ARHGAP10: variants seen among roughly 807,000 people sequenced by gnomAD.
ARHGAP10 encodes the protein rho GTPase-activating protein 10.
Under a neutral mutation model 108.6 loss-of-function variants are expected in ARHGAP10, and 87 were observed. That is an observed-to-expected ratio of 0.80 (90% confidence interval 0.67 to 0.96). ARHGAP10 has a LOEUF of 0.96. Ranked by LOEUF, ARHGAP10 falls within the 40% of genes least tolerant of loss-of-function variation. ARHGAP10 has a pLI of 0.00. For missense variants in ARHGAP10, 939 were observed against 954.5 expected, an observed-to-expected ratio of 0.98 and a Z score of 0.21; for synonymous variants, 347 against 341.1, an observed-to-expected ratio of 1.02 and a Z score of -0.19.
At chr4:147,817,564 C>T (rs905324274) in intron 1 of ARHGAP10, among the ~76,000 whole-genome samples, 4 of 152,208 alleles carry the variant, frequency 2.6e-5, no homozygotes, top group African/African-American at 9.7e-5. Flanking sequence ...TCCTACCTCT[C>T]AAACTCAGCA....
intron 1 of ARHGAP10, among the ~76,000 whole-genome samples, chr4:147,733,711 A>T (rs1728316249): frequency 6.6e-6 from 1 of 152,194 alleles, no homozygotes; most frequent in African/African-American, 2.4e-5. Context: ...GTAAATATGC[A>T]TTTAATGAAT....
chr4:147,965,576 T>G (rs544336644), intron 17 of ARHGAP10, among the ~76,000 whole-genome samples: 1 of 152,358 alleles, frequency 6.6e-6, no homozygotes, highest in African/African-American at 2.4e-5. Flanking sequence ...AAATTAGCCC[T>G]TTCTTTAAGT....
At chr4:147,858,734 C>T (rs1244924351) in intron 5 of ARHGAP10, among the ~76,000 whole-genome samples, 1 of 152,214 alleles carries the variant, frequency 6.6e-6, no homozygotes, top group South Asian at 2.1e-4. Context: ...GCAGCTTTTA[C>T]AGGCCCCCTT....
At chr4:147,870,082 T>C (rs973770849) in intron 7 of ARHGAP10, among the ~76,000 whole-genome samples, 7 of 151,670 alleles carry the variant, frequency 4.6e-5, no homozygotes, top group Non-Finnish European at 7.4e-5. Context: ...AGTCTCGCCC[T>C]GTCACCCAGG....
intron 19 of ARHGAP10, among the ~76,000 whole-genome samples, chr4:148,028,904 A>ATAGG (rs1728000888): frequency 6.6e-6 from 1 of 152,234 alleles, no homozygotes; most frequent in Non-Finnish European, 1.5e-5. Context: ...GATTAGGCTC[A>ATAGG]TAGGTAAATC....
intron 10 of ARHGAP10, among the ~76,000 whole-genome samples, chr4:147,888,700 A>G (rs1236845001): frequency 6.6e-6 from 1 of 152,182 alleles, no homozygotes; most frequent in Non-Finnish European, 1.5e-5. Context: ...AAACAGAGAA[A>G]CATCTATTCT....
chr4:147,765,339 G>T (rs73853980), intron 1 of ARHGAP10, among the ~76,000 whole-genome samples: 3,358 of 26,820 alleles, frequency 0.13, 284 homozygotes, highest in African/African-American at 0.21. Flanking sequence ...TGTGTGTGTG[G>T]GGGGGGGGGT....
In ARHGAP10 at chr4:147,979,796, A is replaced by G. The variant is rs148878945; in HGVS notation, c.1716+12957A>G. On this transcript the variant is annotated intron_variant, in intron 18 of 22. Coordinates refer to ENST00000336498, the MANE Select transcript of ARHGAP10 (RefSeq NM_024605.4). ...TGGGTTTTTGTGTAGGTGTGTGGCT[A>G]TTGTAAATGGGATTGCATTCTTGAT... 1.4e-4 allele frequency among the ~76,000 whole-genome samples: 22 copies of G among 152,296 alleles called. No homozygotes were observed. The East Asian group carries it at 2.7e-3, about 19-fold the overall frequency.
intron 18 of ARHGAP10, among the ~76,000 whole-genome samples, chr4:148,013,278 C>T (rs971286481): frequency 2.6e-5 from 4 of 152,150 alleles, no homozygotes; most frequent in Admixed American, 6.5e-5. Context: ...TTCCTGTAAA[C>T]GTGTACTTGG....
At chr4:148,014,337 CTG>C (rs1268964418) in intron 18 of ARHGAP10, among the ~76,000 whole-genome samples, 1 of 152,162 alleles carries the variant, frequency 6.6e-6, no homozygotes, top group Non-Finnish European at 1.5e-5. Context: ...AAATCGTATG[CTG>C]TGTTTTCCAA....
chr4:147,838,026 T>A (rs1733247210), intron 3 of ARHGAP10, among the ~76,000 whole-genome samples: 1 of 152,184 alleles, frequency 6.6e-6, no homozygotes, highest in Non-Finnish European at 1.5e-5. Flanking sequence ...TAAATATGTG[T>A]CCATATTTAA....
intron 18 of ARHGAP10, among the ~76,000 whole-genome samples, chr4:148,016,800 T>C (rs1258243478): frequency 6.6e-6 from 1 of 152,116 alleles, no homozygotes; most frequent in African/African-American, 2.4e-5. Context: ...TGGCTTCCAC[T>C]TGGGGTTCCC....
intron 18 of ARHGAP10, among the ~76,000 whole-genome samples, chr4:147,987,400 T>G (rs560297716): frequency 3.7e-3 from 562 of 152,354 alleles, no homozygotes; most frequent in Middle Eastern, 0.01. Context: ...TTCTAGACTC[T>G]GAACGCATAG....
intron 1 of ARHGAP10, among the ~76,000 whole-genome samples, chr4:147,810,475 T>C (rs1560770754): frequency 6.6e-6 from 1 of 152,258 alleles, no homozygotes; most frequent in Admixed American, 6.5e-5. Flanking sequence ...ATGTCTTACA[T>C]GAACCTGTGG....
intron 1 of ARHGAP10, among the ~76,000 whole-genome samples, chr4:147,820,150 C>G (rs62330694): frequency 0.011 from 1,682 of 152,134 alleles, 14 homozygotes; most frequent in Non-Finnish European, 0.018. Flanking sequence ...AAAGATGTAG[C>G]CTCAGGGAAT....
Position 147,748,383 on chromosome 4 carries a change from G to A in ARHGAP10, c.154+15928G>A, listed in dbSNP as rs182764534. ...CTCACAACAAAGGGTATAGAAACTA[G>A]TAAAAAAAAGCTGATGTCTTGTACC... On this transcript the variant is annotated intron_variant, in intron 1 of 22. Coordinates refer to ENST00000336498, the MANE Select transcript of ARHGAP10 (RefSeq NM_024605.4). Among the ~76,000 whole-genome samples, 83 of 148,140 alleles carry A rather than the reference G, an allele frequency of 5.6e-4. No individual in the cohort carries two copies. The South Asian group carries it at 7.5e-3, about 13-fold the overall frequency.
At chr4:148,030,082 G>A (rs1457410691) in intron 19 of ARHGAP10, among the ~76,000 whole-genome samples, 1 of 149,296 alleles carries the variant, frequency 6.7e-6, no homozygotes, top group East Asian at 2.0e-4. Flanking sequence ...GTGCTTCTGT[G>A]TGGGATGAAC....
intron 22 of ARHGAP10, among the ~76,000 whole-genome samples, chr4:148,069,039 C>T (rs904059100): frequency 6.6e-6 from 1 of 152,096 alleles, no homozygotes; most frequent in African/African-American, 2.4e-5. Context: ...ATGTTCTCCA[C>T]CCATAAGAAT....
intron 19 of ARHGAP10, among the ~76,000 whole-genome samples, chr4:148,033,480 A>G (rs1003685176): frequency 1.6e-4 from 24 of 152,260 alleles, no homozygotes; most frequent in African/African-American, 5.5e-4. Context: ...GTAAATCTGG[A>G]AAAATAATCA....
Sources: gnomAD v4.1 joint callset for allele counts (sites outside exome capture counted in the v4.1 genomes callset) on GRCh38, gnomAD v4.1.1 for gene constraint, MANE v1.5 for transcripts, NCBI Gene and HGNC (gene_info 2026-07-23, HGNC 2026-07-21) for gene names.